Variants in IRGM observed in about 807,000 individuals in gnomAD.
IRGM encodes immunity-related GTPase family M protein.
For synonymous variants in IRGM, 98 were observed against 80.6 expected, an observed-to-expected ratio of 1.22 and a Z score of -1.16; for missense variants, 288 against 219.9, an observed-to-expected ratio of 1.31 and a Z score of -1.96.
intron 1 of IRGM, among the ~76,000 whole-genome samples, chr5:150,865,105 A>G (rs1248059515): frequency 3.3e-5 from 5 of 152,190 alleles, no homozygotes; most frequent in Non-Finnish European, 7.3e-5. Flanking sequence ...CATAAATTAG[A>G]AAGGGAATAA....
chr5:150,871,680 G>T (rs1427712948), intron 1 of IRGM, among the ~76,000 whole-genome samples: 1 of 152,206 alleles, frequency 6.6e-6, no homozygotes, highest in Admixed American at 6.5e-5. Context: ...GCTTGCTTTT[G>T]TATTATGTTA....
At chr5:150,883,334 A>G (rs1400267093) in intron 3 of IRGM, among the ~76,000 whole-genome samples, 2 of 151,810 alleles carry the variant, frequency 1.3e-5, no homozygotes, top group Admixed American at 6.6e-5. Context: ...ACGTAGTGTT[A>G]TACCTCAAGG....
chr5:150,891,466 A>G (rs895801733), intron 3 of IRGM, among the ~76,000 whole-genome samples: 2 of 151,366 alleles, frequency 1.3e-5, no homozygotes, highest in African/African-American at 2.4e-5. Context: ...TTTGTTTTCT[A>G]TTTGTTCTGT....
rs557106156 is a variant in IRGM at position 150,868,910 on chromosome 5, G to C, written c.159-9070G>C. Among the ~76,000 whole-genome samples the C allele has an allele frequency of 7.9e-5, 12 of 152,064 alleles. No homozygotes were observed. The South Asian group carries it at 2.3e-3, about 29-fold the overall frequency. The stretch of plus-strand genomic sequence containing the variant: ...TGGATAAGTCTTTATGGTTCTCTGG[G>C]TATACAATTCACCAGTAAACAGTGA... On this transcript the variant is annotated intron_variant and NMD_transcript_variant, in intron 1 of 3. Coordinates refer to the IRGM transcript ENST00000520549.
rs1380963259 is a variant in IRGM at position 150,846,568 on chromosome 5, T to C, written c.-1068T>C. The C allele has an allele frequency of 1.3e-5, 2 of 151,296 alleles. No homozygotes were observed. The highest frequency in any genetic ancestry group is 4.9e-5 in the African/African-American group (2 of 40,658). 9.4% of individuals were successfully genotyped at this position (151,296 alleles called of 1,614,324 possible). ...CCATGCTGTGGAAGCTTTGTTTTTTTGCACTTTGCAGTAAATCTTGCTGCT... is the reference window on the plus strand; with the variant it reads ...CCATGCTGTGGAAGCTTTGTTTTTTCGCACTTTGCAGTAAATCTTGCTGCT... On this transcript the variant is annotated 5_prime_UTR_variant, in exon 1 of 2. Transcript: ENST00000522154.
Position 150,895,605 on chromosome 5 carries a change from C to A in IRGM, c.*141-4984C>A, listed in dbSNP as rs1397403293. ...TTCAGCACATATGTAAGGTTTCTCT[C>A]CTGTATGAATTCGCTGGTGTCCCGG... On this transcript the variant is annotated intron_variant and NMD_transcript_variant, in intron 3 of 3. Transcript: ENST00000520549. 9.9e-6 allele frequency: 16 copies of A among 1,613,314 alleles called. No individual in the cohort carries two copies. In the African/African-American group the frequency reaches 2.0e-4, roughly 20 times the overall value.
Position 150,847,807 on chromosome 5 carries a change from G to GATTTT in IRGM, c.-317_-316insATTTT. The GATTTT allele has an allele frequency of 8.6e-6, 2 of 231,352 alleles. No homozygotes were observed. The highest frequency in any genetic ancestry group is 1.1e-4 in the South Asian group (2 of 17,622). 14.3% of individuals were successfully genotyped at this position (231,352 alleles called of 1,614,324 possible). On this transcript the variant is annotated 5_prime_UTR_variant, in exon 2 of 2. An upstream open reading frame in the 5' UTR gains an earlier in-frame stop. Coordinates refer to ENST00000522154, the MANE Select transcript of IRGM (RefSeq NM_001145805.2). ...TCTTTTTGCCACACCATAAGCATTG[G>GATTTT]GTTTTGTTTGTTTTGAGATGGAGTC...
intron 3 of IRGM, chr5:150,896,027 A>T: frequency 6.2e-7 from 1 of 1,613,284 alleles, no homozygotes. Context: ...GCTTCTCTCC[A>T]GTATGAGCTC....
At chr5:150,865,407 ATAT>A (rs10573212) in intron 1 of IRGM, among the ~76,000 whole-genome samples, 20,737 of 152,146 alleles carry the variant, frequency 0.14, 1,874 homozygotes, top group East Asian at 0.39. Context: ...AATAGACTAA[ATAT>A]TATGTAAAAG....
intron 1 of IRGM, among the ~76,000 whole-genome samples, chr5:150,874,916 G>A (rs562949249): frequency 1.3e-5 from 2 of 152,320 alleles, no homozygotes; most frequent in South Asian, 4.1e-4. Context: ...GGGTCATCAA[G>A]TTACCATGCA....
At chr5:150,875,300 G>T (rs12654294) in intron 1 of IRGM, among the ~76,000 whole-genome samples, 5,932 of 152,292 alleles carry the variant, frequency 0.039, 194 homozygotes, top group East Asian at 0.18. Context: ...CAGTGGTGAA[G>T]GAAAATCTTC....
chr5:150,867,689 T>G (rs1754227102), intron 1 of IRGM, among the ~76,000 whole-genome samples: 2 of 152,148 alleles, frequency 1.3e-5, no homozygotes, highest in Admixed American at 1.3e-4. Flanking sequence ...AGGAGTAAGA[T>G]AGTATTGCAT....
At chr5:150,853,860 C>T (rs1281762082) in intron 1 of IRGM, among the ~76,000 whole-genome samples, 3 of 152,054 alleles carry the variant, frequency 2.0e-5, no homozygotes, top group Non-Finnish European at 4.4e-5. Flanking sequence ...TGTATCACAT[C>T]TCCCCAACCC....
chr5:150,859,526 G>A (rs1299914491), intron 1 of IRGM, among the ~76,000 whole-genome samples: 1 of 152,106 alleles, frequency 6.6e-6, no homozygotes, highest in Non-Finnish European at 1.5e-5. Context: ...TTGTACCTCT[G>A]GTAGAATTTG....
intron 3 of IRGM, among the ~76,000 whole-genome samples, chr5:150,887,562 C>A (rs1257669886): frequency 6.8e-6 from 1 of 146,716 alleles, no homozygotes; most frequent in Non-Finnish European, 1.5e-5. Context: ...GTGAGGCCAA[C>A]AATTAAATTC....
rs181858503 is a variant in IRGM, at chr5:150,848,301, G to A, written c.178G>A (p.Gly60Ser). ...ISALRNTGHE[G>S]KASPPTELVK... Reference sequence around the variant, plus strand: ...TGCCCTTCGAAACACAGGACATGAGGGTAAGGCCTCACCTCCTACTGAGCT... The same window carrying A: ...TGCCCTTCGAAACACAGGACATGAGAGTAAGGCCTCACCTCCTACTGAGCT... The change falls in exon 2 of 2, where the codon GGT becomes AGT. Residue 60 changes from glycine (G) to serine (S), a missense_variant. Transcript: ENST00000522154. The A allele has an allele frequency of 5.8e-6, 9 of 1,551,806 alleles. No homozygotes were observed. Among genetic ancestry groups the A allele is most frequent in the African/African-American group, 1.4e-5 (1 of 73,146 alleles).
In IRGM at chr5:150,896,379, T is replaced by C. The variant is rs1361904835; in HGVS notation, c.*141-4210T>C. On this transcript the variant is annotated intron_variant and NMD_transcript_variant, in intron 3 of 3. Transcript: ENST00000520549. ...TTTCTTTCCAGTATGAATTCTTTGA[T>C]GTACAATGAGTTGTGACTTCTTAGC... 4 of 1,613,702 alleles carry C rather than the reference T, an allele frequency of 2.5e-6. No individual in the cohort carries two copies. In the African/African-American group the frequency reaches 4.0e-5, roughly 16 times the overall value.
At chr5:150,893,484 T>C (rs1203400821) in intron 3 of IRGM, among the ~76,000 whole-genome samples, 2 of 152,164 alleles carry the variant, frequency 1.3e-5, no homozygotes, top group African/African-American at 4.8e-5. Context: ...ATAAGGTTCA[T>C]TGACTACTGT....
intron 1 of IRGM, among the ~76,000 whole-genome samples, chr5:150,871,683 T>C (rs1391820453): frequency 6.6e-6 from 1 of 152,238 alleles, no homozygotes; most frequent in Non-Finnish European, 1.5e-5. Context: ...TGCTTTTGTA[T>C]TATGTTACCT....
Sources: allele counts gnomAD v4.1 joint callset (sites outside exome capture counted in the v4.1 genomes callset), GRCh38; gene constraint gnomAD v4.1.1; transcripts MANE v1.5; gene names NCBI Gene and HGNC (gene_info 2026-07-23, HGNC 2026-07-21).